Variants in RBFOX1 observed in about 807,000 individuals in gnomAD.
RBFOX1 encodes RNA binding protein fox-1 homolog 1.
A neutral mutation model predicts 57.7 loss-of-function variants in RBFOX1; 8 were observed. That is an observed-to-expected ratio of 0.14 (90% CI 0.08 to 0.25). The LOEUF is 0.25. Among genes scored for constraint, RBFOX1 ranks in the 10% least tolerant of loss-of-function variants. The pLI, the probability that RBFOX1 is intolerant of heterozygous loss-of-function variation, is 1.00. For missense variants in RBFOX1, 611 were observed against 548.5 expected, an observed-to-expected ratio of 1.11 and a Z score of -1.14; for synonymous variants, 326 against 222.4, an observed-to-expected ratio of 1.47 and a Z score of -4.15.
chr16:6,114,065 A>G (rs758529661), intron 1 of RBFOX1, among the ~76,000 whole-genome samples: 9 of 152,160 alleles, frequency 5.9e-5, no homozygotes, highest in African/African-American at 2.2e-4. Context: ...CTAGTTGTCA[A>G]TCTCTAGATA....
chr16:6,346,115 A>C (rs2085329383), intron 2 of RBFOX1, among the ~76,000 whole-genome samples: 1 of 152,170 alleles, frequency 6.6e-6, no homozygotes, highest in African/African-American at 2.4e-5. Flanking sequence ...GGTTGGCCCT[A>C]AGCATTTCCC....
At chr16:7,063,293 T>C (rs1213708849) in intron 4 of RBFOX1, among the ~76,000 whole-genome samples, 2 of 152,006 alleles carry the variant, frequency 1.3e-5, no homozygotes, top group Non-Finnish European at 2.9e-5. Context: ...GAGTAAGATA[T>C]TCCCCCCAAC....
At chr16:5,489,193 G>A (rs185571230) in intron 2 of RBFOX1, among the ~76,000 whole-genome samples, 12 of 152,240 alleles carry the variant, frequency 7.9e-5, no homozygotes, top group Non-Finnish European at 1.8e-4. Flanking sequence ...CCTAGGCGCA[G>A]TTGGCTTTTT....
rs7191343 is a variant in RBFOX1 at position 5,772,692 on chromosome 16, G to A, written c.319-94611G>A. ...GGAGATAAGGAGAAACGATAGTTTG[G>A]ACCAAGGACAATTTGCTGAGAGGAA... On this transcript the variant is annotated intron_variant, in intron 3 of 19. Coordinates refer to the RBFOX1 transcript ENST00000641259. Among the ~76,000 whole-genome samples, 102 of 152,294 alleles carry A rather than the reference G, an allele frequency of 6.7e-4. 1 individual carries two copies. The highest frequency in any genetic ancestry group is 2.3e-3 in the African/African-American group (94 of 41,570).
At chr16:5,891,219 G>C (rs954011617) in intron 4 of RBFOX1, among the ~76,000 whole-genome samples, 39 of 152,162 alleles carry the variant, frequency 2.6e-4, no homozygotes, top group African/African-American at 8.9e-4. Flanking sequence ...GTGCATGTGA[G>C]GGACAGAGGT....
chr16:7,591,894 C>T (rs1300395192), intron 7 of RBFOX1, among the ~76,000 whole-genome samples: 2 of 152,314 alleles, frequency 1.3e-5, no homozygotes, highest in East Asian at 1.9e-4. Flanking sequence ...AAAAAACAAC[C>T]TTAGCACCCG....
chr16:7,126,011 A>C (rs1050851433), intron 4 of RBFOX1, among the ~76,000 whole-genome samples: 10 of 152,194 alleles, frequency 6.6e-5, no homozygotes. Flanking sequence ...TGAACCTGGG[A>C]GGCGGAGGTT....
chr16:6,680,627 T>C (rs916531855), intron 3 of RBFOX1, among the ~76,000 whole-genome samples: 4 of 152,176 alleles, frequency 2.6e-5, no homozygotes, highest in Non-Finnish European at 2.9e-5. Context: ...AAAATAACAA[T>C]AAAGTTTCAA....
chr16:6,785,663 G>C (rs893222597), intron 3 of RBFOX1, among the ~76,000 whole-genome samples: 1 of 151,956 alleles, frequency 6.6e-6, no homozygotes, highest in Non-Finnish European at 1.5e-5. Context: ...TTATTTCCAC[G>C]TTCCATGTAC....
chr16:6,478,429 A>ATTTTTTTTTTTTT (rs58352204), intron 2 of RBFOX1, among the ~76,000 whole-genome samples: 3 of 24,634 alleles, frequency 1.2e-4, no homozygotes, highest in Non-Finnish European at 1.6e-4. Flanking sequence ...ATATATATAT[A>ATTTTTTTTTTTTT]TTTTTTTTTT....
intron 1 of RBFOX1, among the ~76,000 whole-genome samples, chr16:5,315,122 A>C (rs1160095970): frequency 6.6e-6 from 1 of 152,160 alleles, no homozygotes; most frequent in Non-Finnish European, 1.5e-5. Flanking sequence ...ACCATTTGGA[A>C]GACGCATAAA....
chr16:7,454,731 C>T (rs927883550), intron 4 of RBFOX1, among the ~76,000 whole-genome samples: 2 of 152,162 alleles, frequency 1.3e-5, no homozygotes, highest in South Asian at 2.1e-4. Flanking sequence ...AACCATCTCT[C>T]GATGTATACA....
At chr16:6,831,985 T>C (rs2092740720) in intron 3 of RBFOX1, among the ~76,000 whole-genome samples, 1 of 152,256 alleles carries the variant, frequency 6.6e-6, no homozygotes, top group Admixed American at 6.5e-5. Context: ...CTAATGGGAA[T>C]ATACCGAATG....
intron 3 of RBFOX1, among the ~76,000 whole-genome samples, chr16:6,787,657 A>G (rs545453780): frequency 2.6e-5 from 4 of 152,230 alleles, no homozygotes; most frequent in South Asian, 2.1e-4. Context: ...TTATTACAAG[A>G]TGAAAGAGAT....
chr16:7,476,472 A>G (rs1006967833), intron 4 of RBFOX1, among the ~76,000 whole-genome samples: 1 of 152,238 alleles, frequency 6.6e-6, no homozygotes, highest in Non-Finnish European at 1.5e-5. Flanking sequence ...TTACTGTATT[A>G]AACATCCCAA....
At chr16:6,642,474 G>T (rs1374676842) in intron 2 of RBFOX1, among the ~76,000 whole-genome samples, 1 of 151,982 alleles carries the variant, frequency 6.6e-6, no homozygotes, top group African/African-American at 2.4e-5. Context: ...TCGGTACTAT[G>T]TTTAATTGTG....
intron 2 of RBFOX1, among the ~76,000 whole-genome samples, chr16:6,439,062 A>G (rs1340500283): frequency 6.6e-6 from 1 of 152,158 alleles, no homozygotes; most frequent in African/African-American, 2.4e-5. Flanking sequence ...GTTGAAAATC[A>G]ATCTAGCCTG....
chr16:5,353,319 A>G (rs1442334558), intron 1 of RBFOX1, among the ~76,000 whole-genome samples: 1 of 151,322 alleles, frequency 6.6e-6, no homozygotes, highest in African/African-American at 2.4e-5. Context: ...CAGAGGTTGC[A>G]GTGAGGCAAG....
intron 2 of RBFOX1, among the ~76,000 whole-genome samples, chr16:6,596,066 C>T (rs1339647529): frequency 3.3e-5 from 5 of 151,860 alleles, no homozygotes; most frequent in African/African-American, 4.8e-5. Context: ...CTGTTTCATT[C>T]TGTGGATTTC....
Sources: allele counts gnomAD v4.1 joint callset (sites outside exome capture counted in the v4.1 genomes callset), GRCh38; gene constraint gnomAD v4.1.1; transcripts MANE v1.5; gene names NCBI Gene and HGNC (gene_info 2026-07-23, HGNC 2026-07-21).